MGAT4A: variants seen among roughly 807,000 people sequenced by gnomAD.
MGAT4A encodes the protein alpha-1,3-mannosyl-glycoprotein 4-beta-N-acetylglucosaminyltransferase A.
A neutral mutation model predicts 74.1 loss-of-function variants in MGAT4A; 33 were observed. That is an observed-to-expected ratio of 0.45 (90% CI 0.34 to 0.60). MGAT4A has a LOEUF of 0.60. MGAT4A is among the 20% of genes least tolerant of loss of function. The pLI is 0.02. For missense variants in MGAT4A, 479 were observed against 628.3 expected (o/e 0.76, Z 2.54); for synonymous variants, 198 against 210.4 (o/e 0.94, Z 0.51).
intron 2 of MGAT4A, among the ~76,000 whole-genome samples, chr2:98,690,386 C>G (rs1415869973): frequency 6.6e-6 from 1 of 152,098 alleles, no homozygotes; most frequent in East Asian, 1.9e-4. Flanking sequence ...ACAGGACTTA[C>G]GGGAAACTGA....
intron 5 of MGAT4A, among the ~76,000 whole-genome samples, 154 bp downstream of exon 5, chr2:98,662,892 A>C (rs1286969190): frequency 1.3e-5 from 2 of 152,192 alleles, no homozygotes; most frequent in Non-Finnish European, 2.9e-5. Context: ...AGTGAGTTCA[A>C]TTTACATTAA....
rs1220670210 is a variant in MGAT4A at position 98,621,243 on chromosome 2, T to C, written c.*4323A>G. 1 of 818,920 alleles carries C rather than the reference T, an allele frequency of 1.2e-6. No homozygotes were observed. Among genetic ancestry groups the C allele is most frequent in the Non-Finnish European group, 1.8e-6 (1 of 566,642 alleles). The allele number at this position is 818,920 out of a possible 1,614,324, so 50.7% of individuals were successfully genotyped here. The stretch of plus-strand genomic sequence containing the variant: ...GGGTCTCACAAGGCTGGATTCAAAG[T>C]GTTGGCCAGGCTGGGTCTTATCTGG... On this transcript the variant is annotated 3_prime_UTR_variant, in exon 16 of 16. Transcript: ENST00000393487.
chr2:98,678,306 G>T lies in MGAT4A; in HGVS notation c.260C>A (p.Ser87Ter). 1.5e-6 allele frequency: 2 copies of T among 1,354,180 alleles called. No homozygotes were observed. Among genetic ancestry groups the T allele is most frequent in the Middle Eastern group, 2.0e-4 (1 of 5,104 alleles). The allele number at this position is 1,354,180 out of a possible 1,614,324, so 83.9% of individuals were successfully genotyped here. ...AATATAAAAAATACTGTTTGTACCT[G>T]AAAACTTATTCAACGCATCCTTACT... Reference protein sequence around the residue: ...NGSKDALNKFSDNTLKLLKEL... With the variant: ...NGSKDALNKF The change falls in exon 3 of 16, where the codon TCA (serine) becomes TAA (stop). Residue 87 changes from serine (S) to a stop codon, truncating the protein, a stop_gained and splice_region_variant. Transcript: ENST00000393487. LOFTEE classifies it high-confidence loss of function.
rs1575239923 is a variant in MGAT4A, at chr2:98,630,649, G to C, written c.1468+4573C>G. Among the ~76,000 whole-genome samples, 3 of 152,236 alleles carry C rather than the reference G, an allele frequency of 2.0e-5. No individual in the cohort carries two copies. The East Asian group carries it at 5.8e-4, about 29-fold the overall frequency. On this transcript the variant is annotated intron_variant, in intron 14 of 15. Transcript: ENST00000393487. ...GGCATTTTGTTCCATGAAAAAAAGA[G>C]ATGTAAAACTGGATTATAGGGCGTA...
intron 4 of MGAT4A, among the ~76,000 whole-genome samples, chr2:98,667,903 A>G (rs1161379284): frequency 6.6e-6 from 1 of 152,106 alleles, no homozygotes; most frequent in East Asian, 1.9e-4. Flanking sequence ...TATTTTTAGT[A>G]GAGACAGGGT....
intron 14 of MGAT4A, among the ~76,000 whole-genome samples, chr2:98,628,460 G>C (rs1701178492): frequency 6.6e-6 from 1 of 152,172 alleles, no homozygotes; most frequent in Non-Finnish European, 1.5e-5. Context: ...ATTGGTAAGT[G>C]GTTTTTCTTG....
chr2:98,624,365 C>T lies in MGAT4A; in HGVS notation c.*1201G>A, dbSNP rs746041723. ...TATAAAGATCACTGATTGCTGAGACCGGTAATATTCTTTGTTTATAGTAGT... is the reference window on the plus strand; with the variant it reads ...TATAAAGATCACTGATTGCTGAGACTGGTAATATTCTTTGTTTATAGTAGT... On this transcript the variant is annotated 3_prime_UTR_variant, in exon 16 of 16. Coordinates refer to ENST00000393487, the MANE Select transcript of MGAT4A (RefSeq NM_012214.3). 38 of 964,318 alleles carry T rather than the reference C, an allele frequency of 3.9e-5. No homozygotes were observed. The highest frequency in any genetic ancestry group is 5.3e-5 in the African/African-American group (3 of 56,704). 59.7% of individuals were successfully genotyped at this position (964,318 alleles called of 1,614,324 possible). A position where few individuals can be genotyped will look rare whatever the true frequency, so the allele number is the denominator to read the frequency against.
chr2:98,701,979 A>G (rs34647312), intron 2 of MGAT4A, among the ~76,000 whole-genome samples: 53 of 152,334 alleles, frequency 3.5e-4, no homozygotes, highest in South Asian at 1.9e-3. Context: ...AACTTCTAGC[A>G]TAACAGAGTG....
intron 2 of MGAT4A, among the ~76,000 whole-genome samples, chr2:98,707,101 G>T (rs1030687292): frequency 1.3e-5 from 2 of 152,100 alleles, no homozygotes; most frequent in African/African-American, 4.8e-5. Flanking sequence ...TGTAGTCCCA[G>T]CTGCTTGGAA....
In MGAT4A at chr2:98,655,480, T is replaced by G. The variant is rs763956164; in HGVS notation, c.739A>C (p.Met247Leu). 1 of 1,611,272 alleles carries G rather than the reference T, an allele frequency of 6.2e-7. No homozygotes were observed. The highest frequency in any genetic ancestry group is 1.7e-5 in the Admixed American group (1 of 59,706). ...TATATGCCCTTTTCTTGAGCATACATCATTAGAAAACAGTAATCTAGGTTT... is the reference window on the plus strand; with the variant it reads ...TATATGCCCTTTTCTTGAGCATACAGCATTAGAAAACAGTAATCTAGGTTT... ...KQNLDYCFLM[M>L]YAQEKGIYYI... The change falls in exon 8 of 16, where the codon ATG becomes CTG. Residue 247 changes from methionine (M) to leucine (L), a missense_variant. Coordinates refer to ENST00000393487, the MANE Select transcript of MGAT4A (RefSeq NM_012214.3).
At chr2:98,724,492 A>G (rs1013984114) in intron 2 of MGAT4A, among the ~76,000 whole-genome samples, 9 of 152,354 alleles carry the variant, frequency 5.9e-5, no homozygotes, top group African/African-American at 1.7e-4. Context: ...AAAAAACACC[A>G]AGTAGAAAAT....
In MGAT4A at chr2:98,621,290, C is replaced by G; in HGVS notation, c.*4276G>C. 1 of 1,324,394 alleles carries G rather than the reference C, an allele frequency of 7.6e-7. No individual in the cohort carries two copies. Among genetic ancestry groups the G allele is most frequent in the South Asian group, 1.6e-5 (1 of 61,874 alleles). 82.0% of individuals were successfully genotyped at this position (1,324,394 alleles called of 1,614,324 possible). ...CTGGAGACTGGAGATGAATGCCTTTCCAAGCCTATGAATGAGCTTATGGGC... is the reference window on the plus strand; with the variant it reads ...CTGGAGACTGGAGATGAATGCCTTTGCAAGCCTATGAATGAGCTTATGGGC... On this transcript the variant is annotated 3_prime_UTR_variant, in exon 16 of 16. Coordinates refer to ENST00000393487, the MANE Select transcript of MGAT4A (RefSeq NM_012214.3).
chr2:98,658,590 AG>A (rs1701695453), intron 5 of MGAT4A, among the ~76,000 whole-genome samples: 1 of 152,222 alleles, frequency 6.6e-6, no homozygotes, highest in Admixed American at 6.5e-5. Context: ...CACGATATGA[AG>A]AAAGATTTTT....
At chr2:98,685,054 T>C (rs952033519) in intron 2 of MGAT4A, among the ~76,000 whole-genome samples, 4 of 151,966 alleles carry the variant, frequency 2.6e-5, no homozygotes, top group East Asian at 1.9e-4. Flanking sequence ...CTGGGCAAAA[T>C]AGGGAGACCT....
chr2:98,724,808 A>C (rs1256336638), intron 2 of MGAT4A, among the ~76,000 whole-genome samples: 1 of 151,962 alleles, frequency 6.6e-6, no homozygotes, highest in African/African-American at 2.4e-5. Context: ...AAAAACCCAT[A>C]TACTTTTCTG....
chr2:98,679,181 CG>C (rs1420965080), intron 2 of MGAT4A, among the ~76,000 whole-genome samples: 1 of 151,918 alleles, frequency 6.6e-6, no homozygotes, highest in African/African-American at 2.4e-5. Flanking sequence ...CCGAGGTGGG[CG>C]GATCACGAGG....
intron 8 of MGAT4A, among the ~76,000 whole-genome samples, chr2:98,648,441 A>G (rs569792912): frequency 1.4e-3 from 208 of 152,254 alleles, no homozygotes; most frequent in African/African-American, 4.7e-3. Flanking sequence ...CAGAGGGTGC[A>G]GTGAGCTGAG....
intron 2 of MGAT4A, among the ~76,000 whole-genome samples, chr2:98,710,323 T>G (rs1263015871): frequency 6.6e-6 from 1 of 152,200 alleles, no homozygotes; most frequent in Admixed American, 6.5e-5. Flanking sequence ...GTAGCCAGGT[T>G]GTGACAATGT....
At chr2:98,712,473 T>C (rs1702531867) in intron 2 of MGAT4A, among the ~76,000 whole-genome samples, 1 of 152,206 alleles carries the variant, frequency 6.6e-6, no homozygotes, top group Admixed American at 6.5e-5. Context: ...TGCACCAAAA[T>C]ACAGGAAAGA....
Sources: gnomAD v4.1 joint callset for allele counts (sites outside exome capture counted in the v4.1 genomes callset) on GRCh38, gnomAD v4.1.1 for gene constraint, MANE v1.5 for transcripts, NCBI Gene and HGNC (gene_info 2026-07-23, HGNC 2026-07-21) for gene names.